The following KBTBD11 variants were observed in gnomAD, a reference collection of about 807,000 sequenced individuals.
KBTBD11 encodes kelch repeat and BTB domain-containing protein 11.
For missense variants in KBTBD11, 1,390 were observed against 1,001.8 expected (o/e 1.39, Z -5.23); for synonymous variants, 747 against 499.0 (o/e 1.50, Z -6.63).
At chr8:1,983,719 T>A (rs1816616433) in intron 1 of KBTBD11, among the ~76,000 whole-genome samples, 1 of 152,260 alleles carries the variant, frequency 6.6e-6, no homozygotes, top group Non-Finnish European at 1.5e-5. Flanking sequence ...CCATGAATGT[T>A]GAAATGTATT....
intron 1 of KBTBD11, among the ~76,000 whole-genome samples, chr8:1,980,734 G>GGGGCA (rs1816513303): frequency 6.6e-6 from 1 of 152,220 alleles, no homozygotes; most frequent in African/African-American, 2.4e-5. Flanking sequence ...CGCCAGGGCA[G>GGGGCA]GGGCAGGGCA....
Position 2,001,124 on chromosome 8 carries a change from C to T in KBTBD11, c.-69C>T, listed in dbSNP as rs2129316128. The T allele has an allele frequency of 1.6e-6, 2 of 1,269,588 alleles. No homozygotes were observed. Among genetic ancestry groups the T allele is most frequent in the East Asian group, 3.1e-5 (1 of 31,764 alleles). The allele number at this position is 1,269,588 out of a possible 1,614,324, so 78.6% of individuals were successfully genotyped here. The stretch of plus-strand genomic sequence containing the variant: ...TGAGGCTGGAAACCCCGGAGTAAGG[C>T]TCGACCTTGGCCAGACCTGCAGGCT... On this transcript the variant is annotated 5_prime_UTR_variant, in exon 2 of 2. Transcript: ENST00000320248.
rs1055235155 is a variant in KBTBD11 at position 2,002,297 on chromosome 8, C to A, written c.1105C>A (p.Pro369Thr). 8 of 1,336,922 alleles carry A rather than the reference C, an allele frequency of 6.0e-6. No individual in the cohort carries two copies. The highest frequency in any genetic ancestry group is 4.7e-5 in the African/African-American group (3 of 63,900). 82.8% of individuals were successfully genotyped at this position (1,336,922 alleles called of 1,614,324 possible). Residue 369 changes from proline to threonine, a missense_variant, in exon 2 of 2, where the codon CCC (proline) becomes ACC (threonine). Pro to Thr is a conservative substitution (Grantham distance 38, BLOSUM62 -1). Coordinates refer to ENST00000320248, the MANE Select transcript of KBTBD11 (RefSeq NM_014867.3). This position sits in a 1 kb window ranked among gnomAD's most constrained non-coding sequence, Gnocchi z 4.1. The stretch of plus-strand genomic sequence containing the variant: ...CCTCTTCGTGGCGGGCGGCGTGGCG[C>A]CCGCGGGCCCCGACGGCCGCGCGCG... ...NYLFVAGGVA[P>T]AGPDGRARPS... is the part of the protein sequence containing the mutation.
intron 1 of KBTBD11, among the ~76,000 whole-genome samples, chr8:1,999,739 T>G (rs1817271316): frequency 6.6e-6 from 1 of 152,204 alleles, no homozygotes; most frequent in Admixed American, 6.5e-5. Flanking sequence ...ATTCATGCTG[T>G]TGGCTGAAGC....
intron 1 of KBTBD11, among the ~76,000 whole-genome samples, chr8:1,990,007 G>T (rs889385628): frequency 2.1e-5 from 3 of 141,784 alleles, no homozygotes; most frequent in African/African-American, 7.7e-5. Context: ...TTGAACTTTG[G>T]TGTTGGTCAG....
At chr8:1,975,306 G>A (rs1816297644) in intron 1 of KBTBD11, 1 of 152,276 alleles carries the variant, frequency 6.6e-6, no homozygotes, top group Non-Finnish European at 1.5e-5. Flanking sequence ...AATAAAATCA[G>A]TTAAAAGATG....
intron 1 of KBTBD11, among the ~76,000 whole-genome samples, chr8:1,988,173 A>G (rs1343727044): frequency 6.6e-6 from 1 of 152,182 alleles, no homozygotes. Flanking sequence ...GCTATTGTGA[A>G]TAGTGCTGCT....
At position 2,003,406 on chromosome 8, in the gene KBTBD11, C is replaced by T. The variant is rs1319483771; in HGVS notation, c.*342C>T. The T allele has an allele frequency of 8.8e-6, 2 of 228,524 alleles. No homozygotes were observed. The highest frequency in any genetic ancestry group is 1.8e-5 in the Non-Finnish European group (2 of 109,298). The allele number at this position is 228,524 out of a possible 1,614,324, so 14.2% of individuals were successfully genotyped here. A position where few individuals can be genotyped will look rare whatever the true frequency, so the allele number is the denominator to read the frequency against. ...AGCCGGCCCCGGGGTGTCCCGAACC[C>T]CGCAGAGCACCGAGGCTGTGCGCAG... is the stretch of plus-strand genomic sequence containing the variant. On this transcript the variant is annotated 3_prime_UTR_variant, in exon 2 of 2. Transcript: ENST00000320248.
rs774988150 is a variant in KBTBD11, at chr8:2,005,349, C to T, written c.*2285C>T. ...TGGAAATTTATAGAATAGTATACACCACAGTTCTGAATAGTGATATCACAT... is the reference window on the plus strand; with the variant it reads ...TGGAAATTTATAGAATAGTATACACTACAGTTCTGAATAGTGATATCACAT... On this transcript the variant is annotated 3_prime_UTR_variant, in exon 2 of 2. Coordinates refer to ENST00000320248, the MANE Select transcript of KBTBD11 (RefSeq NM_014867.3). 3 of 167,066 alleles carry T rather than the reference C, an allele frequency of 1.8e-5. No homozygotes were observed. Among genetic ancestry groups the T allele is most frequent in the South Asian group, 4.1e-4 (2 of 4,826 alleles). The allele number at this position is 167,066 out of a possible 1,614,324, so 10.3% of individuals were successfully genotyped here.
intron 1 of KBTBD11, chr8:1,976,568 C>T (rs1365482292): frequency 1.4e-5 from 2 of 147,286 alleles, no homozygotes; most frequent in African/African-American, 5.0e-5. Context: ...TGCTCCCCCA[C>T]CCCCCACCCT....
At chr8:1,977,676 AG>A (rs1415088136) in intron 1 of KBTBD11, among the ~76,000 whole-genome samples, 1 of 134,166 alleles carries the variant, frequency 7.5e-6, no homozygotes, top group African/African-American at 2.9e-5. Flanking sequence ...GGCGCCCTCC[AG>A]CACACCCAAC....
rs1817480040 is a variant in KBTBD11, at chr8:2,003,541, G to A, written c.*477G>A. 1 of 168,232 alleles carries A rather than the reference G, an allele frequency of 5.9e-6. No homozygotes were observed. Among genetic ancestry groups the A allele is most frequent in the African/African-American group, 2.4e-5 (1 of 41,502 alleles). 10.4% of individuals were successfully genotyped at this position (168,232 alleles called of 1,614,324 possible). The stretch of plus-strand genomic sequence containing the variant: ...TTTAAAATTATAACTGATAAGTAAA[G>A]CTCTTTCTGATTTAGTTGAAAATTT... On this transcript the variant is annotated 3_prime_UTR_variant, in exon 2 of 2. Coordinates refer to ENST00000320248, the MANE Select transcript of KBTBD11 (RefSeq NM_014867.3).
chr8:2,001,881 A>T lies in KBTBD11; in HGVS notation c.689A>T (p.Gln230Leu), dbSNP rs769908062. The T allele has an allele frequency of 7.3e-7, 1 of 1,369,102 alleles. No individual in the cohort carries two copies. The highest frequency in any genetic ancestry group is 9.5e-7 in the Non-Finnish European group (1 of 1,049,892). 84.8% of individuals were successfully genotyped at this position (1,369,102 alleles called of 1,614,324 possible). Residue 230 changes from glutamine (Q) to leucine (L), a missense_variant, in exon 2 of 2, where the codon CAG becomes CTG. By Grantham distance (113) the Gln-to-Leu change is moderately radical. Coordinates refer to ENST00000320248, the MANE Select transcript of KBTBD11 (RefSeq NM_014867.3). The part of the protein sequence containing the change: ...AQRATDAVGP[Q>L]LSLANCYEVL... ...CGCGCCACCGACGCCGTGGGGCCGCAGCTGAGCCTGGCCAACTGCTACGAG... is the reference window on the plus strand; with the variant it reads ...CGCGCCACCGACGCCGTGGGGCCGCTGCTGAGCCTGGCCAACTGCTACGAG...
chr8:2,002,955 G>A lies in KBTBD11; in HGVS notation c.1763G>A (p.Gly588Asp). 7.6e-7 allele frequency: 1 copy of A among 1,317,916 alleles called. No individual in the cohort carries two copies. The highest frequency in any genetic ancestry group is 9.7e-7 in the Non-Finnish European group (1 of 1,035,308). 81.6% of individuals were successfully genotyped at this position (1,317,916 alleles called of 1,614,324 possible). ...EGEAGGDAGQ[G>D]GGFEALGAPL... The stretch of plus-strand genomic sequence containing the variant: ...GAGGCCGGCGGCGACGCAGGCCAGG[G>A]CGGCGGCTTCGAGGCGCTGGGCGCC... Residue 588 changes from glycine (G) to aspartate (D), a missense_variant, in exon 2 of 2, where the codon GGC becomes GAC. Gly to Asp is a moderately conservative substitution (Grantham distance 94). Transcript: ENST00000320248. The surrounding 1 kb of genome is among the most constrained non-coding windows in gnomAD (Gnocchi z 4.1).
Position 2,004,987 on chromosome 8 carries a change from T to A in KBTBD11, c.*1923T>A, listed in dbSNP as rs1585769747. On this transcript the variant is annotated 3_prime_UTR_variant, in exon 2 of 2. Transcript: ENST00000320248. ...TAAATATCAAACTCATATGCTGTTA[T>A]CACTGTGATTTTACTTGTGAAATCA... 1 of 167,100 alleles carries A rather than the reference T, an allele frequency of 6.0e-6. No homozygotes were observed. Among genetic ancestry groups the A allele is most frequent in the African/African-American group, 2.4e-5 (1 of 41,456 alleles). The allele number at this position is 167,100 out of a possible 1,614,324, so 10.4% of individuals were successfully genotyped here. A position where few individuals can be genotyped will look rare whatever the true frequency, so the allele number is the denominator to read the frequency against.
In KBTBD11 at chr8:2,003,737, A is replaced by G. The variant is rs559650524; in HGVS notation, c.*673A>G. ...CACATGCCTAGAGCAGCTCCGTCTC[A>G]CTGTTGGACCGAGGGGGCTTTCATA... On this transcript the variant is annotated 3_prime_UTR_variant, in exon 2 of 2. Coordinates refer to ENST00000320248, the MANE Select transcript of KBTBD11 (RefSeq NM_014867.3). 7.4e-4 allele frequency: 124 copies of G among 167,204 alleles called. 1 individual carries two copies. The highest frequency in any genetic ancestry group is 4.4e-5 in the Non-Finnish European group (3 of 68,108). The allele number at this position is 167,204 out of a possible 1,614,324, so 10.4% of individuals were successfully genotyped here. A position where few individuals can be genotyped will look rare whatever the true frequency, so the allele number is the denominator to read the frequency against.
intron 1 of KBTBD11, chr8:1,974,838 A>G (rs1387598621): frequency 3.1e-6 from 1 of 324,172 alleles, no homozygotes; most frequent in South Asian, 1.2e-4. Context: ...ATTCTAAGGA[A>G]AAGAAAAGGA....
In KBTBD11 at chr8:2,003,060, C is replaced by G. The variant is rs762869775; in HGVS notation, c.1868C>G (p.Pro623Arg). 2.1e-5 allele frequency: 27 copies of G among 1,262,484 alleles called. No homozygotes were observed. In the African/African-American group the frequency reaches 4.0e-4, roughly 19 times the overall value. 78.2% of individuals were successfully genotyped at this position (1,262,484 alleles called of 1,614,324 possible). ...CCGCCCCGAGGGGAGCAGGGCGCCC[C>G]GTAGGCCGGCGGGGTCGGCGGGCGT... is the stretch of plus-strand genomic sequence containing the variant. ...EKPPRGEQGA[P>R] The change falls in exon 2 of 2, where the codon CCG (proline) becomes CGG (arginine). Residue 623 changes from proline (P) to arginine (R), a missense_variant. Physicochemically the swap from Pro to Arg is moderately radical, Grantham distance 103. Coordinates refer to ENST00000320248, the MANE Select transcript of KBTBD11 (RefSeq NM_014867.3).
chr8:1,979,913 A>G (rs1284748362), intron 1 of KBTBD11, among the ~76,000 whole-genome samples: 1 of 152,006 alleles, frequency 6.6e-6, no homozygotes, highest in Non-Finnish European at 1.5e-5. Flanking sequence ...CTTCCTTTCC[A>G]TGGAGAGGCC....
Sources: allele counts gnomAD v4.1 joint callset (sites outside exome capture counted in the v4.1 genomes callset), GRCh38; gene constraint gnomAD v4.1.1; non-coding constraint Gnocchi (gnomAD v3.1); transcripts MANE v1.5; gene names NCBI Gene and HGNC (gene_info 2026-07-23, HGNC 2026-07-21).